The following CEP120 variants were observed in gnomAD, a reference collection of about 807,000 sequenced individuals.
CEP120 encodes the protein centrosomal protein of 120 kDa.
Under a neutral mutation model 126.5 loss-of-function variants are expected in CEP120, and 113 were observed. The observed-to-expected ratio is 0.89, with a 90% CI of 0.77 to 1.04. CEP120 has a LOEUF of 1.04. Among genes scored for constraint, CEP120 ranks in the 50% least tolerant of loss-of-function variants. The pLI is 0.00. For synonymous variants in CEP120, 400 were observed against 394.3 expected (o/e 1.01, Z -0.17); for missense variants, 1,230 against 1,155.7 (o/e 1.06, Z -0.93).
At chr5:123,392,939 G>A (rs552271109) in intron 6 of CEP120, among the ~76,000 whole-genome samples, 9 of 152,266 alleles carry the variant, frequency 5.9e-5, no homozygotes, top group South Asian at 2.1e-4. Flanking sequence ...TTTTGAAATC[G>A]AGAGTGTGAT....
intron 2 of CEP120, among the ~76,000 whole-genome samples, chr5:123,416,659 T>C (rs796227733): frequency 2.0e-5 from 3 of 152,120 alleles, no homozygotes; most frequent in African/African-American, 7.2e-5. Context: ...CTAAATATTA[T>C]ACAAAACATG....
chr5:123,401,918 G>A, intron 4 of CEP120: 1 of 1,550,370 alleles, frequency 6.5e-7, no homozygotes. Flanking sequence ...TGTTGATGTA[G>A]CTCTTGAACA....
chr5:123,401,431 C>T, intron 4 of CEP120: 1 of 1,360,496 alleles, frequency 7.4e-7, no homozygotes, highest in East Asian at 2.3e-5. Context: ...AGATCTTAGT[C>T]TTTGTGCACC....
intron 17 of CEP120, among the ~76,000 whole-genome samples, chr5:123,369,999 A>G (rs1476255310): frequency 4.6e-5 from 7 of 151,976 alleles, no homozygotes; most frequent in Admixed American, 3.3e-4. Flanking sequence ...CATGCCCTCC[A>G]TTAATTTTTG....
At chr5:123,390,737 C>T (rs1177846847) in intron 7 of CEP120, among the ~76,000 whole-genome samples, 1 of 152,000 alleles carries the variant, frequency 6.6e-6, no homozygotes, top group Non-Finnish European at 1.5e-5. Flanking sequence ...ACTAAGGAAC[C>T]AAGGATTTTA....
Position 123,402,325 on chromosome 5 carries a change from G to A in CEP120, c.464-3041C>T, listed in dbSNP as rs1434940194. The A allele has an allele frequency of 7.6e-6, 11 of 1,444,662 alleles. No homozygotes were observed. In the Admixed American group the frequency reaches 1.8e-4, roughly 23 times the overall value. The allele number at this position is 1,444,662 out of a possible 1,614,324, so 89.5% of individuals were successfully genotyped here. ...GAGGTGGACACCTTGTAGGACTTCT[G>A]GGTCCCCTAATGGACATGGTGGAGG... On this transcript the variant is annotated intron_variant, in intron 4 of 19. Transcript: ENST00000306467.
chr5:123,400,624 TACACATAA>T (rs1773127533), intron 4 of CEP120, among the ~76,000 whole-genome samples: 1 of 142,480 alleles, frequency 7.0e-6, no homozygotes, highest in African/African-American at 2.6e-5. Flanking sequence ...TACATATATA[TACACATAA>T]ATACATACAT....
chr5:123,383,106 T>G, intron 11 of CEP120, 24 bp from the exon 12 acceptor site: 1 of 1,258,914 alleles, frequency 7.9e-7, no homozygotes, highest in Non-Finnish European at 1.1e-6. Context: ...AAGAAATACC[T>G]TAAAATTCAC....
rs1488385385 is a variant in CEP120 at position 123,412,418 on chromosome 5, A to G, written c.444T>C (p.Ala148=). 11 of 1,588,572 alleles carry G rather than the reference A, an allele frequency of 6.9e-6. No individual in the cohort carries two copies. Among genetic ancestry groups the G allele is most frequent in the Middle Eastern group, 1.7e-4 (1 of 5,978 alleles). The change falls in exon 4 of 20, where the codon GCT becomes GCC. Residue 148 remains alanine (A), a synonymous_variant. Transcript: ENST00000306467. ...PPVDSFKAKG[A]PPRDGKVPAI... ...ACAAACCTTTTCCATCTCGAGGGGG[A>G]GCCCCCTTTGCTTTAAAGCTATCCA...
chr5:123,401,793 T>A, intron 4 of CEP120: 1 of 1,291,476 alleles, frequency 7.7e-7, no homozygotes, highest in African/African-American at 1.4e-5. Flanking sequence ...TGCACGCTTA[T>A]TGATCTCATC....
intron 3 of CEP120, 73 bp from the exon 4 acceptor site, chr5:123,412,613 T>C: frequency 9.6e-7 from 1 of 1,046,868 alleles, no homozygotes; most frequent in Non-Finnish European, 1.3e-6. Flanking sequence ...TGCTATACAG[T>C]TCTAAATAAA....
At chr5:123,409,938 A>G (rs534467878) in intron 4 of CEP120, among the ~76,000 whole-genome samples, 1 of 148,416 alleles carries the variant, frequency 6.7e-6, no homozygotes, top group Non-Finnish European at 1.5e-5. Flanking sequence ...CCTGGGTGAC[A>G]GAGTGAGATC....
rs1772531595 is a variant in CEP120 at position 123,393,363 on chromosome 5, T to C, written c.747A>G (p.Ser249=). ...TTTCTACACTGCTACGGATGCGAAC[T>C]GATGCTCTCTCTGGCTCAAAGTTTG... The part of the protein sequence containing the change: ...INPNFEPERA[S]VRIRSSVEIL... Residue 249 remains serine (S), a synonymous_variant, in exon 6 of 20, where the codon TCA becomes TCG. Coordinates refer to ENST00000306467, the MANE Select transcript of CEP120 (RefSeq NM_001375405.1). The C allele has an allele frequency of 1.2e-6, 2 of 1,614,056 alleles. No individual in the cohort carries two copies. The highest frequency in any genetic ancestry group is 1.7e-6 in the Non-Finnish European group (2 of 1,180,018).
At chr5:123,396,832 CT>C (rs1251377121) in intron 5 of CEP120, among the ~76,000 whole-genome samples, 1 of 152,170 alleles carries the variant, frequency 6.6e-6, no homozygotes, top group Non-Finnish European at 1.5e-5. Context: ...GGGCCATTAA[CT>C]AGCTGTAAGA....
At position 123,393,386 on chromosome 5, in the gene CEP120, T is replaced by C. The variant is rs765267157; in HGVS notation, c.724A>G (p.Asn242Asp). ...NEPFNDLINP[N>D]FEPERASVRI... ...ACTGATGCTCTCTCTGGCTCAAAGT[T>C]TGGGTTGATTAAATCATTGAAGGGT... Residue 242 changes from asparagine (N) to aspartate (D), a missense_variant, in exon 6 of 20, where the codon AAC (asparagine) becomes GAC (aspartate). Asn to Asp is a conservative substitution (Grantham distance 23). Transcript: ENST00000306467. 4.3e-6 allele frequency: 7 copies of C among 1,614,154 alleles called. 1 individual carries two copies. Among genetic ancestry groups the C allele is most frequent in the South Asian group, 2.2e-5 (2 of 91,082 alleles).
At chr5:123,362,943 T>C (rs1770193440) in intron 18 of CEP120, among the ~76,000 whole-genome samples, 2 of 151,636 alleles carry the variant, frequency 1.3e-5, no homozygotes, top group African/African-American at 4.8e-5. Context: ...AGTAACTGTA[T>C]TTCCAAAACT....
intron 5 of CEP120, among the ~76,000 whole-genome samples, 166 bp from the exon 6 acceptor site, chr5:123,393,663 A>G (rs1580704836): frequency 6.6e-6 from 1 of 152,148 alleles, no homozygotes; most frequent in Non-Finnish European, 1.5e-5. Flanking sequence ...CCAAATTACT[A>G]TTTTTTTAAA....
chr5:123,393,942 AG>A (rs1370577698), intron 5 of CEP120, among the ~76,000 whole-genome samples: 2 of 152,204 alleles, frequency 1.3e-5, no homozygotes, highest in Non-Finnish European at 2.9e-5. Flanking sequence ...ATCTTAGTTG[AG>A]GTCTCCGATA....
intron 9 of CEP120, among the ~76,000 whole-genome samples, chr5:123,388,063 CATT>C (rs1279374797): frequency 2.3e-4 from 11 of 47,866 alleles, no homozygotes; most frequent in African/African-American, 9.0e-4. Context: ...TTTTTTTGAC[CATT>C]ATTATTATTT....
Sources: allele counts gnomAD v4.1 joint callset (sites outside exome capture counted in the v4.1 genomes callset), GRCh38; gene constraint gnomAD v4.1.1; transcripts MANE v1.5; gene names NCBI Gene and HGNC (gene_info 2026-07-23, HGNC 2026-07-21).